DLG2: variants seen among roughly 807,000 people sequenced by gnomAD.
The protein encoded by DLG2 is discs large MAGUK scaffold protein 2, also known as disks large homolog 2.
A neutral mutation model predicts 132.5 loss-of-function variants in DLG2; 45 were observed. The ratio of observed to expected loss-of-function variants is 0.34; its 90% CI spans 0.27 to 0.44. The LOEUF is 0.44. Ranked by LOEUF, DLG2 falls within the 20% of genes least tolerant of loss-of-function variation. The pLI, the probability that DLG2 is intolerant of heterozygous loss-of-function variation, is 1.00. For synonymous variants in DLG2, 424 were observed against 419.6 expected (o/e 1.01, Z -0.13); for missense variants, 1,045 against 1,196.9 (o/e 0.87, Z 1.87).
At chr11:85,545,490 A>C (rs1393209357) in intron 3 of DLG2, among the ~76,000 whole-genome samples, 3 of 152,108 alleles carry the variant, frequency 2.0e-5, no homozygotes, top group Non-Finnish European at 4.4e-5. Flanking sequence ...TATTAGGATG[A>C]TGCTGGCCTC....
Position 85,094,519 on chromosome 11 carries a change from T to C in DLG2, c.357+17142A>G, listed in dbSNP as rs2069397631. On this transcript the variant is annotated intron_variant, in intron 6 of 27. Coordinates refer to ENST00000376104, the MANE Select transcript of DLG2 (RefSeq NM_001142699.3). ...TCTGGATAACTTGCTATAGCTTCTG[T>C]ATCCACTCTTGCTTCTTCACCTTGC... 2.6e-5 allele frequency among the ~76,000 whole-genome samples: 4 copies of C among 152,240 alleles called. No individual in the cohort carries two copies. The South Asian group carries it at 8.3e-4, about 32-fold the overall frequency.
chr11:84,409,905 C>A (rs1263305179), intron 7 of DLG2, among the ~76,000 whole-genome samples: 2 of 152,186 alleles, frequency 1.3e-5, no homozygotes, highest in Non-Finnish European at 2.9e-5. Flanking sequence ...ATACAAGCAG[C>A]TTCTAATCTC....
intron 2 of DLG2, among the ~76,000 whole-genome samples, chr11:85,605,461 C>T (rs1480224088): frequency 2.6e-5 from 4 of 152,086 alleles, no homozygotes; most frequent in Non-Finnish European, 4.4e-5. Flanking sequence ...GTATTTGTAA[C>T]ATATAAATAA....
In DLG2 at chr11:84,845,025, T is replaced by C. The variant is rs559152135; in HGVS notation, c.357+266636A>G. Among the ~76,000 whole-genome samples the C allele has an allele frequency of 3.9e-5, 6 of 152,232 alleles. No individual in the cohort carries two copies. The East Asian group carries it at 1.2e-3, about 29-fold the overall frequency. ...ACAGAAGCAAATACAAATTTTATTA[T>C]TCCAATCATAGAGTTAATCAAACAG... On this transcript the variant is annotated intron_variant, in intron 6 of 27. Transcript: ENST00000376104.
chr11:84,264,825 C>A (rs548472956), intron 7 of DLG2, among the ~76,000 whole-genome samples: 6 of 152,280 alleles, frequency 3.9e-5, no homozygotes, highest in African/African-American at 1.4e-4. Context: ...GCTTTTATGT[C>A]ATAGGATGAG....
intron 19 of DLG2, among the ~76,000 whole-genome samples, chr11:83,560,131 T>C (rs1314764890): frequency 6.6e-6 from 1 of 151,212 alleles, no homozygotes; most frequent in Non-Finnish European, 1.5e-5. Context: ...TTTTTTTTTT[T>C]CTTCTTGAGA....
intron 10 of DLG2, among the ~76,000 whole-genome samples, chr11:84,070,774 CTG>C (rs2096744390): frequency 6.6e-6 from 1 of 152,140 alleles, no homozygotes; most frequent in South Asian, 2.1e-4. Flanking sequence ...TTTTTTTTCT[CTG>C]TGTGTTTGAG....
chr11:84,493,052 T>A (rs988274645), intron 7 of DLG2, among the ~76,000 whole-genome samples: 42 of 151,826 alleles, frequency 2.8e-4, no homozygotes, highest in African/African-American at 9.4e-4. Flanking sequence ...GTGGACAATA[T>A]GAGATAAGAT....
At chr11:84,922,871 C>T (rs1309265058) in intron 6 of DLG2, among the ~76,000 whole-genome samples, 1 of 149,388 alleles carries the variant, frequency 6.7e-6, no homozygotes, top group African/African-American at 2.5e-5. Context: ...AACAGTTAAA[C>T]CTGAAGGTCA....
At position 84,534,890 on chromosome 11, in the gene DLG2, T is replaced by C. The variant is rs556187996; in HGVS notation, c.358-159A>G. 9 of 837,858 alleles carry C rather than the reference T, an allele frequency of 1.1e-5. 1 individual carries two copies. The highest frequency in any genetic ancestry group is 5.0e-5 in the African/African-American group (3 of 60,318). 51.9% of individuals were successfully genotyped at this position (837,858 alleles called of 1,614,324 possible). A position where few individuals can be genotyped will look rare whatever the true frequency, so the allele number is the denominator to read the frequency against. On this transcript the variant is annotated intron_variant, in intron 6 of 27. Coordinates refer to ENST00000376104, the MANE Select transcript of DLG2 (RefSeq NM_001142699.3). ...CTGCAGACTCTTCTGGCGGTCACCATAGACCAGGTCAAATGCAAGCAGAAC... is the reference window on the plus strand; with the variant it reads ...CTGCAGACTCTTCTGGCGGTCACCACAGACCAGGTCAAATGCAAGCAGAAC...
intron 3 of DLG2, among the ~76,000 whole-genome samples, chr11:85,416,195 T>A (rs1198807662): frequency 6.6e-6 from 1 of 151,518 alleles, no homozygotes; most frequent in East Asian, 1.9e-4. Context: ...TGTGTGACAT[T>A]ATTTCTGAGG....
chr11:84,901,901 A>G (rs556666678), intron 6 of DLG2, among the ~76,000 whole-genome samples: 4 of 152,048 alleles, frequency 2.6e-5, no homozygotes, highest in South Asian at 4.1e-4. Context: ...TTAAGGGGGG[A>G]AAAAAAGGAA....
intron 6 of DLG2, among the ~76,000 whole-genome samples, chr11:84,631,353 G>A (rs1416403460): frequency 6.6e-6 from 1 of 152,002 alleles, no homozygotes; most frequent in East Asian, 1.9e-4. Context: ...AAGAAGACTG[G>A]TCATAAGATA....
At chr11:85,092,696 G>A (rs1211985819) in intron 6 of DLG2, among the ~76,000 whole-genome samples, 1 of 150,404 alleles carries the variant, frequency 6.6e-6, no homozygotes, top group East Asian at 2.0e-4. Context: ...AGGCTGGAGT[G>A]CAGTGACACG....
At chr11:84,747,921 A>T (rs1211999559) in intron 6 of DLG2, among the ~76,000 whole-genome samples, 1 of 152,138 alleles carries the variant, frequency 6.6e-6, no homozygotes, top group Non-Finnish European at 1.5e-5. Context: ...GCCAGGCCCC[A>T]CTTATCTGCA....
intron 3 of DLG2, among the ~76,000 whole-genome samples, chr11:85,382,017 T>A (rs554463001): frequency 6.6e-6 from 1 of 152,114 alleles, no homozygotes. Context: ...TTCTAGACAT[T>A]GACAAGCTGA....
intron 4 of DLG2, among the ~76,000 whole-genome samples, chr11:85,205,078 T>A (rs1565155211): frequency 6.6e-6 from 1 of 150,394 alleles, no homozygotes; most frequent in Non-Finnish European, 1.5e-5. Context: ...ACTATAAAAC[T>A]AACAAACTAA....
At chr11:83,834,619 A>T (rs2055594025) in intron 16 of DLG2, among the ~76,000 whole-genome samples, 1 of 152,144 alleles carries the variant, frequency 6.6e-6, no homozygotes, top group African/African-American at 2.4e-5. Flanking sequence ...CCAGGTGGAG[A>T]TGTTCTGAAG....
intron 7 of DLG2, among the ~76,000 whole-genome samples, chr11:84,297,526 C>T (rs1394257872): frequency 6.6e-6 from 1 of 152,122 alleles, no homozygotes; most frequent in Non-Finnish European, 1.5e-5. Context: ...AATAGATCCC[C>T]ATCCCCATTG....
Sources: allele counts gnomAD v4.1 joint callset (sites outside exome capture counted in the v4.1 genomes callset), GRCh38; gene constraint gnomAD v4.1.1; transcripts MANE v1.5; gene names NCBI Gene and HGNC (gene_info 2026-07-23, HGNC 2026-07-21).